Variants in FRMD4B observed in about 807,000 individuals in gnomAD.
FRMD4B encodes the protein FERM domain-containing protein 4B.
Under a neutral mutation model 141.5 loss-of-function variants are expected in FRMD4B, and 74 were observed. The ratio of observed to expected loss-of-function variants is 0.52; its 90% CI spans 0.43 to 0.63. FRMD4B has a LOEUF of 0.63. FRMD4B is among the 30% of genes least tolerant of loss of function. FRMD4B has a pLI of 0.00. For synonymous variants in FRMD4B, 506 were observed against 467.9 expected, an observed-to-expected ratio of 1.08 and a Z score of -1.05; for missense variants, 1,366 against 1,253.4, an observed-to-expected ratio of 1.09 and a Z score of -1.36.
At chr3:69,345,903 A>G (rs1490701889) in intron 1 of FRMD4B, among the ~76,000 whole-genome samples, 1 of 152,208 alleles carries the variant, frequency 6.6e-6, no homozygotes, top group East Asian at 1.9e-4. Flanking sequence ...AGAAAAGCTG[A>G]AAATTCTAAA....
intron 1 of FRMD4B, among the ~76,000 whole-genome samples, chr3:69,326,276 A>G (rs1702189373): frequency 6.6e-6 from 1 of 152,042 alleles, no homozygotes. Flanking sequence ...TTATTAAGAC[A>G]CTAAGCTGTC....
At chr3:69,312,069 C>T (rs1701612479) in intron 2 of FRMD4B, among the ~76,000 whole-genome samples, 2 of 152,120 alleles carry the variant, frequency 1.3e-5, no homozygotes, top group African/African-American at 4.8e-5. Flanking sequence ...ACCCATTCCA[C>T]ACATCATCAT....
rs1405131912 is a variant in FRMD4B, at chr3:69,496,342, C to T, written c.-129+45864G>A. 2.0e-5 allele frequency among the ~76,000 whole-genome samples: 3 copies of T among 152,022 alleles called. 1 individual carries two copies. In the South Asian group the frequency reaches 6.2e-4, roughly 32 times the overall value. On this transcript the variant is annotated intron_variant, in intron 1 of 5. Coordinates refer to the FRMD4B transcript ENST00000459638. Reference sequence around the variant, plus strand: ...CTCTTAGTGTTTGGGTTCAGGAGGACCCACTTTCTGCTCCAGGAATGACCC... The same window carrying T: ...CTCTTAGTGTTTGGGTTCAGGAGGATCCACTTTCTGCTCCAGGAATGACCC...
chr3:69,284,632 AG>A lies in FRMD4B; in HGVS notation c.501+3119del, dbSNP rs575057696. ...CACAAAAAATATATAGCATTCAAAA[AG>A]ATACAATTAATAATGCCTACCATCC... On this transcript the variant is annotated intron_variant, in intron 5 of 22. Transcript: ENST00000398540. Among the ~76,000 whole-genome samples the A allele has an allele frequency of 7.2e-4, 109 of 152,308 alleles. 1 individual carries two copies. Among genetic ancestry groups the A allele is most frequent in the African/African-American group, 2.5e-3 (103 of 41,576 alleles).
chr3:69,530,256 T>C (rs1285876754), intron 1 of FRMD4B, among the ~76,000 whole-genome samples: 1 of 152,264 alleles, frequency 6.6e-6, no homozygotes, highest in Non-Finnish European at 1.5e-5. Flanking sequence ...ATCCCTGATG[T>C]TGGAGGTGGG....
intron 1 of FRMD4B, among the ~76,000 whole-genome samples, chr3:69,327,639 C>T (rs1380583953): frequency 6.6e-6 from 1 of 152,212 alleles, no homozygotes; most frequent in Non-Finnish European, 1.5e-5. Context: ...GAAATAAGTC[C>T]TCCTTAGGGA....
chr3:69,448,271 C>T (rs1463329871), intron 1 of FRMD4B, among the ~76,000 whole-genome samples: 1 of 152,110 alleles, frequency 6.6e-6, no homozygotes. Context: ...CTCAGGTGAT[C>T]CACCTGCCTC....
intron 2 of FRMD4B, among the ~76,000 whole-genome samples, chr3:69,415,108 C>T (rs1286765140): frequency 6.6e-6 from 1 of 152,108 alleles, no homozygotes; most frequent in Admixed American, 6.5e-5. Context: ...TCGTGATCTA[C>T]CCGCCTTGGC....
chr3:69,402,349 C>T (rs1210198812), intron 2 of FRMD4B, among the ~76,000 whole-genome samples: 1 of 152,166 alleles, frequency 6.6e-6, no homozygotes, highest in African/African-American at 2.4e-5. Flanking sequence ...AGGCAATTAC[C>T]AAGATGAGAA....
At chr3:69,202,680 T>C (rs1372131349) in intron 11 of FRMD4B, among the ~76,000 whole-genome samples, 1 of 152,144 alleles carries the variant, frequency 6.6e-6, no homozygotes, top group Non-Finnish European at 1.5e-5. Context: ...CTGCTAGTGA[T>C]GAAAGGGAAA....
chr3:69,250,290 CGTGTGT>C (rs10526962), intron 5 of FRMD4B, 191 bp from the exon 6 acceptor site: 759 of 418,732 alleles, frequency 1.8e-3, no homozygotes, highest in Non-Finnish European at 2.8e-3. Context: ...ACTGTGTGTG[CGTGTGT>C]GTGTGTGTGT....
At chr3:69,224,748 C>A (rs148788101) in intron 7 of FRMD4B, 58 bp from the exon 8 acceptor site, 1 of 800,054 alleles carries the variant, frequency 1.2e-6, no homozygotes, top group South Asian at 1.5e-5. Flanking sequence ...ATTATGCAAG[C>A]CGGTCACCAA....
intron 4 of FRMD4B, among the ~76,000 whole-genome samples, chr3:69,290,830 GGA>G (rs1700849262): frequency 6.6e-6 from 1 of 152,068 alleles, no homozygotes; most frequent in East Asian, 1.9e-4. Flanking sequence ...TCTTGGTCTG[GGA>G]CAATGACTTT....
intron 4 of FRMD4B, among the ~76,000 whole-genome samples, chr3:69,291,910 CTTTT>C (rs35703345): frequency 1.9e-5 from 2 of 105,494 alleles, no homozygotes; most frequent in African/African-American, 3.5e-5. Context: ...ACAGGAATCT[CTTTT>C]TTTTTTTTTT....
At chr3:69,279,809 T>G (rs1575686839) in intron 5 of FRMD4B, among the ~76,000 whole-genome samples, 1 of 136,262 alleles carries the variant, frequency 7.3e-6, no homozygotes, top group South Asian at 2.8e-4. Flanking sequence ...CCTCCTCCTC[T>G]TCCTTCCCAC....
intron 1 of FRMD4B, among the ~76,000 whole-genome samples, chr3:69,452,622 A>T (rs1705519369): frequency 1.3e-5 from 2 of 152,344 alleles, no homozygotes; most frequent in South Asian, 4.1e-4. Flanking sequence ...CTAATAGAAA[A>T]AGTGACACTT....
chr3:69,201,018 G>T (rs143635804), intron 11 of FRMD4B: 14 of 290,420 alleles, frequency 4.8e-5, no homozygotes, highest in Middle Eastern at 7.6e-4. Flanking sequence ...GAGCAAATAC[G>T]CTCCCTGCAA....
intron 1 of FRMD4B, among the ~76,000 whole-genome samples, chr3:69,466,912 G>A (rs1026278081): frequency 1.1e-4 from 17 of 152,056 alleles, no homozygotes; most frequent in Non-Finnish European, 2.2e-4. Context: ...ATGTTGCCCA[G>A]GCTGATCTTG....
intron 2 of FRMD4B, among the ~76,000 whole-genome samples, chr3:69,430,560 T>C (rs895329214): frequency 2.0e-5 from 3 of 152,216 alleles, no homozygotes; most frequent in African/African-American, 7.2e-5. Context: ...ACCTCGTATA[T>C]GGCAATTGCT....
Sources: gnomAD v4.1 joint callset for allele counts (sites outside exome capture counted in the v4.1 genomes callset) on GRCh38, gnomAD v4.1.1 for gene constraint, MANE v1.5 for transcripts, NCBI Gene and HGNC (gene_info 2026-07-23, HGNC 2026-07-21) for gene names.